Variants in RCAN2 observed in about 807,000 individuals in gnomAD.
RCAN2 encodes regulator of calcineurin 2.
A neutral mutation model predicts 23.6 loss-of-function variants in RCAN2; 9 were observed. That is an observed-to-expected ratio of 0.38 (90% confidence interval 0.23 to 0.67). The LOEUF is 0.67. Among genes scored for constraint, RCAN2 ranks in the 30% least tolerant of loss-of-function variants. The pLI, the probability that RCAN2 is intolerant of heterozygous loss-of-function variation, is 0.51. For missense variants in RCAN2, 273 were observed against 302.3 expected, an observed-to-expected ratio of 0.90 and a Z score of 0.72; for synonymous variants, 109 against 115.7, an observed-to-expected ratio of 0.94 and a Z score of 0.37.
intron 2 of RCAN2, among the ~76,000 whole-genome samples, chr6:46,418,903 C>T (rs1214437842): frequency 6.6e-6 from 1 of 151,618 alleles, no homozygotes; most frequent in East Asian, 1.9e-4. Flanking sequence ...TCCTGGCCAA[C>T]ATGGTGAAAC....
At chr6:46,289,980 G>C (rs1013273564) in intron 2 of RCAN2, among the ~76,000 whole-genome samples, 104 of 152,258 alleles carry the variant, frequency 6.8e-4, no homozygotes, top group African/African-American at 2.4e-3. Context: ...CATTCCCCAA[G>C]GTTGGGAAAT....
At chr6:46,282,282 A>T (rs1762207916) in intron 2 of RCAN2, among the ~76,000 whole-genome samples, 1 of 151,882 alleles carries the variant, frequency 6.6e-6, no homozygotes, top group Admixed American at 6.6e-5. Context: ...ACGGTGGCTC[A>T]CACCTGTAAT....
intron 2 of RCAN2, among the ~76,000 whole-genome samples, chr6:46,438,858 G>C (rs140126786): frequency 6.6e-6 from 1 of 152,182 alleles, no homozygotes. Flanking sequence ...ACATGGTAGA[G>C]TTTCAATAAT....
At chr6:46,394,088 C>T (rs981677464) in intron 2 of RCAN2, among the ~76,000 whole-genome samples, 1 of 152,206 alleles carries the variant, frequency 6.6e-6, no homozygotes, top group African/African-American at 2.4e-5. Flanking sequence ...CCCTCCACAG[C>T]TCATCCTCTG....
chr6:46,400,421 G>T (rs1766215631), intron 2 of RCAN2, among the ~76,000 whole-genome samples: 1 of 152,178 alleles, frequency 6.6e-6, no homozygotes, highest in African/African-American at 2.4e-5. Flanking sequence ...TCTCTCATTA[G>T]TTCCCTGGCT....
chr6:46,487,657 A>G (rs1487558722), intron 1 of RCAN2, among the ~76,000 whole-genome samples: 1 of 152,248 alleles, frequency 6.6e-6, no homozygotes, highest in Admixed American at 6.5e-5. Context: ...TCTAAAGAAA[A>G]GAAACTGGTA....
chr6:46,459,836 T>A (rs1490090829), intron 1 of RCAN2, among the ~76,000 whole-genome samples: 1 of 152,130 alleles, frequency 6.6e-6, no homozygotes, highest in Non-Finnish European at 1.5e-5. Context: ...GAATATGTAA[T>A]ATGCAGTTTT....
rs1223831683 is a variant in RCAN2 at position 46,249,692 on chromosome 6, C to G, written c.226-796G>C. On this transcript the variant is annotated intron_variant, in intron 2 of 4. Coordinates refer to ENST00000371374, the MANE Select transcript of RCAN2 (RefSeq NM_001251974.2). ...CATCCAGTTTCCTAGTCAGGCAGTA[C>G]CATTTGATTAGTCCTGGTCAATGAA... Among the ~76,000 whole-genome samples, 6 of 152,170 alleles carry G rather than the reference C, an allele frequency of 3.9e-5. No homozygotes were observed. In the East Asian group the frequency reaches 1.2e-3, roughly 29 times the overall value.
intron 2 of RCAN2, among the ~76,000 whole-genome samples, chr6:46,434,516 A>G (rs1767312213): frequency 6.6e-6 from 1 of 152,204 alleles, no homozygotes; most frequent in Non-Finnish European, 1.5e-5. Context: ...AAAGCAGCTC[A>G]TAAAGAGAGG....
chr6:46,256,450 C>G (rs1335377210), intron 2 of RCAN2, among the ~76,000 whole-genome samples: 1 of 152,040 alleles, frequency 6.6e-6, no homozygotes, highest in Non-Finnish European at 1.5e-5. Flanking sequence ...GCATGTGCTG[C>G]TTACCAAATA....
intron 2 of RCAN2, among the ~76,000 whole-genome samples, chr6:46,450,805 A>G (rs542481725): frequency 4.7e-4 from 72 of 152,234 alleles, no homozygotes; most frequent in African/African-American, 1.7e-3. Context: ...AAAGGCTACA[A>G]AATTTTAGCT....
intron 4 of RCAN2, among the ~76,000 whole-genome samples, chr6:46,225,510 G>T (rs996464108): frequency 6.6e-6 from 1 of 151,654 alleles, no homozygotes; most frequent in African/African-American, 2.4e-5. Flanking sequence ...TTGTGGTTTT[G>T]ATTTGCATTT....
At chr6:46,283,326 C>T (rs530577393) in intron 2 of RCAN2, among the ~76,000 whole-genome samples, 18 of 152,060 alleles carry the variant, frequency 1.2e-4, no homozygotes, top group Non-Finnish European at 2.2e-4. Flanking sequence ...AGCTGTAGTC[C>T]CAGCTACTCA....
intron 1 of RCAN2, among the ~76,000 whole-genome samples, chr6:46,484,375 G>A (rs72866469): frequency 0.046 from 7,071 of 152,164 alleles, 250 homozygotes; most frequent in Non-Finnish European, 0.072. Context: ...TCTCTGCGTC[G>A]TGTCTCATTG....
At chr6:46,224,411 G>A (rs1238586576) in intron 4 of RCAN2, among the ~76,000 whole-genome samples, 1 of 152,136 alleles carries the variant, frequency 6.6e-6, no homozygotes, top group Non-Finnish European at 1.5e-5. Context: ...AAATTTTGTA[G>A]TCTAGCACAG....
At chr6:46,256,108 G>A (rs1364338061) in intron 2 of RCAN2, among the ~76,000 whole-genome samples, 7 of 152,102 alleles carry the variant, frequency 4.6e-5, no homozygotes, top group East Asian at 3.9e-4. Flanking sequence ...GGTAGCTCAC[G>A]CCTGTAATCC....
At chr6:46,420,239 T>C (rs1766841170) in intron 2 of RCAN2, among the ~76,000 whole-genome samples, 1 of 152,086 alleles carries the variant, frequency 6.6e-6, no homozygotes, top group Admixed American at 6.5e-5. Context: ...ATCGTATCAC[T>C]AAAATCCATG....
At chr6:46,280,463 C>T (rs1437403050) in intron 2 of RCAN2, among the ~76,000 whole-genome samples, 1 of 151,990 alleles carries the variant, frequency 6.6e-6, no homozygotes, top group Non-Finnish European at 1.5e-5. Context: ...AGGATGAACA[C>T]TCAGATTAGA....
intron 2 of RCAN2, among the ~76,000 whole-genome samples, chr6:46,313,944 C>A (rs1037282437): frequency 1.3e-5 from 2 of 152,222 alleles, no homozygotes; most frequent in Non-Finnish European, 2.9e-5. Flanking sequence ...ATACACCATG[C>A]ACTATCTTGC....
Sources: gnomAD v4.1 joint callset for allele counts (sites outside exome capture counted in the v4.1 genomes callset) on GRCh38, gnomAD v4.1.1 for gene constraint, MANE v1.5 for transcripts, NCBI Gene and HGNC (gene_info 2026-07-23, HGNC 2026-07-21) for gene names.